EDC3: variants seen among roughly 807,000 people sequenced by gnomAD.
The protein encoded by EDC3 is enhancer of mRNA decapping 3, also known as enhancer of mRNA-decapping protein 3.
EDC3 carries 20 observed loss-of-function variants against 41.8 expected under a neutral mutation model. The observed-to-expected ratio is 0.48, with a 90% CI of 0.34 to 0.70. EDC3 has a LOEUF of 0.70. Ranked by LOEUF, EDC3 falls within the 30% of genes least tolerant of loss-of-function variation. The pLI, the probability that EDC3 is intolerant of heterozygous loss-of-function variation, is 0.01. For synonymous variants in EDC3, 206 were observed against 243.2 expected (o/e 0.85, Z 1.42); for missense variants, 444 against 636.8 (o/e 0.70, Z 3.26).
At chr15:74,633,678 A>G (rs2062238904) in intron 6 of EDC3, among the ~76,000 whole-genome samples, 1 of 152,244 alleles carries the variant, frequency 6.6e-6, no homozygotes, top group African/African-American at 2.4e-5. Flanking sequence ...AGCATAAATC[A>G]GACCAAACTT....
chr15:74,673,140 C>G (rs2062758486), intron 2 of EDC3, among the ~76,000 whole-genome samples: 1 of 152,050 alleles, frequency 6.6e-6, no homozygotes, highest in Non-Finnish European at 1.5e-5. Context: ...AGGACCACAT[C>G]ATGATCACAA....
chr15:74,642,030 A>G (rs1365039429), intron 4 of EDC3: 1 of 152,212 alleles, frequency 6.6e-6, no homozygotes, highest in East Asian at 1.9e-4. Flanking sequence ...TGTCGGGAGA[A>G]ATCTCTTGAG....
chr15:74,655,544 T>G (rs1449208218), intron 4 of EDC3, among the ~76,000 whole-genome samples, 189 bp downstream of exon 4: 1 of 152,094 alleles, frequency 6.6e-6, no homozygotes, highest in Non-Finnish European at 1.5e-5. Flanking sequence ...CTACAGAAAT[T>G]ACCCCTCCAC....
chr15:74,640,643 A>C (rs2062339709), intron 4 of EDC3, 24 bp from the exon 5 acceptor site: 1 of 1,614,006 alleles, frequency 6.2e-7, no homozygotes, highest in Non-Finnish European at 8.5e-7. Flanking sequence ...GGAGAAGAGA[A>C]AGGGAAAGTG....
intron 1 of EDC3, among the ~76,000 whole-genome samples, chr15:74,682,204 C>A (rs969347458): frequency 3.3e-5 from 5 of 152,134 alleles, no homozygotes; most frequent in African/African-American, 1.2e-4. Flanking sequence ...CACCTGTAAT[C>A]CCAGCTATTT....
chr15:74,664,661 T>C (rs1320405881), intron 3 of EDC3, among the ~76,000 whole-genome samples: 2 of 152,202 alleles, frequency 1.3e-5, no homozygotes, highest in African/African-American at 4.8e-5. Flanking sequence ...CCTGAGAATA[T>C]ATGGGACCTT....
intron 3 of EDC3, among the ~76,000 whole-genome samples, chr15:74,669,537 T>G (rs890304673): frequency 6.0e-5 from 9 of 151,246 alleles, no homozygotes; most frequent in African/African-American, 2.2e-4. Context: ...TTAGTTTTAA[T>G]TTAGTTGTTT....
At chr15:74,673,049 A>G (rs751932091) in intron 2 of EDC3, among the ~76,000 whole-genome samples, 1 of 152,034 alleles carries the variant, frequency 6.6e-6, no homozygotes, top group Non-Finnish European at 1.5e-5. Context: ...GGCCCACGTG[A>G]GGAACTGCAA....
chr15:74,653,233 T>G (rs887490025), intron 4 of EDC3, among the ~76,000 whole-genome samples: 1 of 151,556 alleles, frequency 6.6e-6, no homozygotes, highest in East Asian at 1.9e-4. Flanking sequence ...CATGTCCTCA[T>G]CTGTAAAATG....
rs561615787 is a variant in EDC3, at chr15:74,676,311, C to G, written c.-18-1169G>C. On this transcript the variant is annotated intron_variant, in intron 1 of 6. Transcript: ENST00000315127. ...TTGTTAGGAAAGAAAGGTCTAAAAT[C>G]AATTGTCTAAGCTTCCATCTTAAGT... Among the ~76,000 whole-genome samples, 75 of 152,158 alleles carry G rather than the reference C, an allele frequency of 4.9e-4. 1 individual carries two copies. Among genetic ancestry groups the G allele is most frequent in the African/African-American group, 1.7e-3 (71 of 41,550 alleles).
intron 4 of EDC3, chr15:74,641,918 A>G (rs370891535): frequency 6.6e-6 from 1 of 152,632 alleles, no homozygotes; most frequent in East Asian, 1.9e-4. Context: ...ACTCTAAGGT[A>G]GAAGAGTTAG....
At chr15:74,676,532 C>T (rs11072499) in intron 1 of EDC3, among the ~76,000 whole-genome samples, 21,486 of 151,954 alleles carry the variant, frequency 0.14, 2,277 homozygotes, top group East Asian at 0.42. Flanking sequence ...AAAGAGACAT[C>T]ATAGACATTA....
intron 6 of EDC3, among the ~76,000 whole-genome samples, chr15:74,634,068 A>G (rs2062243053): frequency 6.6e-6 from 1 of 151,832 alleles, no homozygotes; most frequent in South Asian, 2.1e-4. Flanking sequence ...GCTCTCTCCA[A>G]TTCTTCTCCC....
At chr15:74,657,299 G>A (rs1156298483) in intron 3 of EDC3, among the ~76,000 whole-genome samples, 1 of 152,208 alleles carries the variant, frequency 6.6e-6, no homozygotes, top group Non-Finnish European at 1.5e-5. Context: ...GCTCCTGCTG[G>A]TGCCCAGAAG....
At chr15:74,664,650 G>T (rs1047900589) in intron 3 of EDC3, among the ~76,000 whole-genome samples, 4 of 152,232 alleles carry the variant, frequency 2.6e-5, no homozygotes, top group Non-Finnish European at 4.4e-5. Flanking sequence ...ATGAGAAGGT[G>T]CCTGAGAATA....
rs901586032 is a variant in EDC3 at position 74,630,841 on chromosome 15, TG to T, written c.*1770del. On this transcript the variant is annotated 3_prime_UTR_variant, in exon 7 of 7. Coordinates refer to ENST00000315127, the MANE Select transcript of EDC3 (RefSeq NM_025083.5). The stretch of plus-strand genomic sequence containing the variant: ...AGTGGCCCTGCAAGGCTATCATCCC[TG>T]GATCTTGCTGGAGTGGACAGTCTTC... 3 of 152,304 alleles carry T rather than the reference TG, an allele frequency of 2.0e-5. No homozygotes were observed. The highest frequency in any genetic ancestry group is 7.2e-5 in the African/African-American group (3 of 41,442). 9.4% of individuals were successfully genotyped at this position (152,304 alleles called of 1,614,324 possible). A position where few individuals can be genotyped will look rare whatever the true frequency, so the allele number is the denominator to read the frequency against.
At chr15:74,682,447 TC>T (rs1323867721) in intron 1 of EDC3, among the ~76,000 whole-genome samples, 3 of 151,020 alleles carry the variant, frequency 2.0e-5, no homozygotes, top group Non-Finnish European at 4.4e-5. Flanking sequence ...TGAAACCCCG[TC>T]TCTACTAAAA....
At position 74,671,482 on chromosome 15, in the gene EDC3, T is replaced by C; in HGVS notation, c.457A>G (p.Lys153Glu). 1 of 1,612,538 alleles carries C rather than the reference T, an allele frequency of 6.2e-7. No individual in the cohort carries two copies. Among genetic ancestry groups the C allele is most frequent in the Non-Finnish European group, 8.5e-7 (1 of 1,178,784 alleles). ...DRHMESLSQS[K>E]SFRRRHNSWS... ...GAGTTGTGCCGACGACGGAAACTTT[T>C]GGACTGACTCAAGGATTCCATGTGC... Residue 153 changes from lysine (K) to glutamate (E), a missense_variant, in exon 3 of 7, where the codon AAA (lysine) becomes GAA (glutamate). This residue lies in a region of EDC3 where 200 missense variants were observed against 244.0 expected (regional missense o/e 0.82). Coordinates refer to ENST00000315127, the MANE Select transcript of EDC3 (RefSeq NM_025083.5). The surrounding 1 kb of genome is among the most constrained non-coding windows in gnomAD (Gnocchi z 4.6).
At chr15:74,656,280 C>T (rs1163436795) in intron 3 of EDC3, among the ~76,000 whole-genome samples, 3 of 152,128 alleles carry the variant, frequency 2.0e-5, no homozygotes, top group Non-Finnish European at 2.9e-5. Context: ...CAGTGGCTCA[C>T]GCCTATAATC....
Sources: gnomAD v4.1 joint callset for allele counts (sites outside exome capture counted in the v4.1 genomes callset) on GRCh38, gnomAD v4.1.1 for gene constraint, gnomAD v4.1.1 regional missense constraint, Gnocchi (gnomAD v3.1) non-coding constraint, MANE v1.5 for transcripts, NCBI Gene and HGNC (gene_info 2026-07-23, HGNC 2026-07-21) for gene names.